The following FKBP5 variants were observed in gnomAD, a reference collection of about 807,000 sequenced individuals.
FKBP5 encodes peptidyl-prolyl cis-trans isomerase FKBP5.
FKBP5 carries 23 observed loss-of-function variants against 50.5 expected under a neutral mutation model. The observed-to-expected ratio is 0.46, with a 90% confidence interval of 0.33 to 0.65. FKBP5 has a LOEUF of 0.65. Among genes scored for constraint, FKBP5 ranks in the 30% least tolerant of loss-of-function variants. FKBP5 has a pLI of 0.02. For missense variants in FKBP5, 411 were observed against 553.1 expected (o/e 0.74, Z 2.58); for synonymous variants, 176 against 190.6 (o/e 0.92, Z 0.63).
In FKBP5 at chr6:35,574,640, G is replaced by C. The variant is rs1222832134; in HGVS notation, c.*1195C>G. On this transcript the variant is annotated 3_prime_UTR_variant, in exon 11 of 11. Coordinates refer to ENST00000357266, the MANE Select transcript of FKBP5 (RefSeq NM_004117.4). ...GACAGGGCAGGAAAAGCGAGCAACT[G>C]CGTGTCAAACCTGCAGGTGAAACCC... 6.6e-6 allele frequency: 1 copy of C among 152,600 alleles called. No homozygotes were observed. The highest frequency in any genetic ancestry group is 1.5e-5 in the Non-Finnish European group (1 of 68,034). The allele number at this position is 152,600 out of a possible 1,614,324, so 9.5% of individuals were successfully genotyped here.
intron 8 of FKBP5, chr6:35,584,116 A>G (rs1364441017): frequency 1.0e-6 from 1 of 985,338 alleles, no homozygotes; most frequent in Non-Finnish European, 1.2e-6. Context: ...CCTGCAGAAC[A>G]CTGTCAGCTA....
intron 1 of FKBP5, among the ~76,000 whole-genome samples, chr6:35,654,753 TAGCTGGGATTAC>T (rs1764902936): frequency 6.6e-6 from 1 of 152,168 alleles, no homozygotes; most frequent in South Asian, 2.1e-4. Flanking sequence ...GCCTCCTGAG[TAGCTGGGATTAC>T]AGGCATGCGC....
intron 3 of FKBP5, among the ~76,000 whole-genome samples, chr6:35,624,358 C>T (rs1054761598): frequency 1.1e-4 from 16 of 152,010 alleles, no homozygotes; most frequent in South Asian, 6.2e-4. Flanking sequence ...TTTGTCTGGC[C>T]GGGCACGGTG....
In FKBP5 at chr6:35,646,317, C is replaced by T. The variant is rs182492680; in HGVS notation, c.-19-3474G>A. Among the ~76,000 whole-genome samples the T allele has an allele frequency of 7.1e-4, 108 of 152,270 alleles. No homozygotes were observed. In the Middle Eastern group the frequency reaches 0.01, roughly 14 times the overall value. ...AAGGGATGCAAGTCATCTTAGTAAT[C>T]TCAGAGGATGGCTCTTGTCAGTAGT... is the stretch of plus-strand genomic sequence containing the variant. On this transcript the variant is annotated intron_variant, in intron 1 of 10. Coordinates refer to ENST00000357266, the MANE Select transcript of FKBP5 (RefSeq NM_004117.4).
intron 5 of FKBP5, among the ~76,000 whole-genome samples, chr6:35,603,665 A>ACAG (rs1311628759): frequency 1.3e-4 from 20 of 151,946 alleles, no homozygotes; most frequent in East Asian, 5.8e-4. Context: ...AACAACAACA[A>ACAG]CAGCAGCAGC....
At chr6:35,635,886 G>A (rs1764296924) in intron 3 of FKBP5, among the ~76,000 whole-genome samples, 3 of 152,156 alleles carry the variant, frequency 2.0e-5, no homozygotes, top group Non-Finnish European at 4.4e-5. Flanking sequence ...GAAAAGGGTA[G>A]GAGCCCTTTA....
chr6:35,727,809 C>T (rs1359132359), intron 1 of FKBP5, among the ~76,000 whole-genome samples: 3 of 152,212 alleles, frequency 2.0e-5, no homozygotes, highest in Admixed American at 6.5e-5. Flanking sequence ...GTGGCTCCTT[C>T]TGCTCGTAGA....
intron 2 of FKBP5, among the ~76,000 whole-genome samples, chr6:35,640,393 G>A (rs1481390278): frequency 6.6e-6 from 1 of 151,672 alleles, no homozygotes; most frequent in African/African-American, 2.4e-5. Context: ...AGGTATACAA[G>A]AAAAAAAATG....
At chr6:35,653,768 G>C (rs1045247424) in intron 1 of FKBP5, among the ~76,000 whole-genome samples, 1 of 152,106 alleles carries the variant, frequency 6.6e-6, no homozygotes, top group Non-Finnish European at 1.5e-5. Flanking sequence ...CAAAATAAAA[G>C]AATTATGGGC....
intron 2 of FKBP5, among the ~76,000 whole-genome samples, chr6:35,703,486 T>G (rs1766229194): frequency 6.6e-6 from 1 of 152,196 alleles, no homozygotes; most frequent in African/African-American, 2.4e-5. Context: ...AATACCCTGA[T>G]TTGATCATTA....
chr6:35,723,740 C>T (rs570291564), intron 1 of FKBP5, among the ~76,000 whole-genome samples: 2 of 152,314 alleles, frequency 1.3e-5, no homozygotes, highest in South Asian at 2.1e-4. Flanking sequence ...AAATACATTA[C>T]GTCTGGGGTC....
intron 1 of FKBP5, among the ~76,000 whole-genome samples, chr6:35,654,749 T>C (rs1009328272): frequency 3.3e-5 from 5 of 152,170 alleles, no homozygotes; most frequent in Non-Finnish European, 7.4e-5. Flanking sequence ...CTCAGCCTCC[T>C]GAGTAGCTGG....
intron 1 of FKBP5, among the ~76,000 whole-genome samples, chr6:35,685,389 A>G (rs538241192): frequency 2.0e-5 from 3 of 152,304 alleles, no homozygotes; most frequent in South Asian, 2.1e-4. Flanking sequence ...TGTAGATTTA[A>G]TTTTCTTTAT....
chr6:35,709,861 A>C (rs142928026), intron 2 of FKBP5, among the ~76,000 whole-genome samples: 1 of 139,228 alleles, frequency 7.2e-6, no homozygotes, highest in African/African-American at 2.8e-5. Context: ...ATGATCTTTA[A>C]AGCACTGCTT....
intron 1 of FKBP5, among the ~76,000 whole-genome samples, chr6:35,656,796 C>T (rs1003965580): frequency 1.3e-5 from 2 of 150,760 alleles, no homozygotes; most frequent in Non-Finnish European, 2.9e-5. Flanking sequence ...ACTCAGGAGG[C>T]TGAGGCAGGA....
At chr6:35,662,080 T>C (rs747003915) in intron 1 of FKBP5, among the ~76,000 whole-genome samples, 1 of 152,206 alleles carries the variant, frequency 6.6e-6, no homozygotes. Context: ...ATTTTTTTAA[T>C]AGAGACAAGG....
intron 5 of FKBP5, among the ~76,000 whole-genome samples, chr6:35,610,485 G>A (rs755825818): frequency 1.3e-4 from 19 of 141,426 alleles, no homozygotes; most frequent in African/African-American, 1.3e-4. Context: ...GGAGAATGGC[G>A]TGAACCCGAG....
intron 1 of FKBP5, among the ~76,000 whole-genome samples, chr6:35,670,723 C>A (rs1204621175): frequency 6.8e-6 from 1 of 146,708 alleles, no homozygotes; most frequent in Non-Finnish European, 1.5e-5. Flanking sequence ...CAAAGCAAGA[C>A]TCCATCTCAA....
chr6:35,700,815 C>A (rs1167662770), intron 2 of FKBP5, among the ~76,000 whole-genome samples: 1 of 152,062 alleles, frequency 6.6e-6, no homozygotes, highest in Admixed American at 6.6e-5. Context: ...ACAAATTAGC[C>A]GGGCATGGTG....
Sources: gnomAD v4.1 joint callset for allele counts (sites outside exome capture counted in the v4.1 genomes callset) on GRCh38, gnomAD v4.1.1 for gene constraint, MANE v1.5 for transcripts, NCBI Gene and HGNC (gene_info 2026-07-23, HGNC 2026-07-21) for gene names.